The following KCNC2 variants were observed in gnomAD, a reference collection of about 807,000 sequenced individuals.
The protein encoded by KCNC2 is potassium voltage-gated channel subfamily C member 2.
In KCNC2, 21 loss-of-function variants were observed where a neutral mutation model predicts 44.5. The observed-to-expected ratio is 0.47, with a 90% CI of 0.33 to 0.68. The LOEUF is 0.68. Among genes scored for constraint, KCNC2 ranks in the 30% least tolerant of loss-of-function variants. The probability of loss-of-function intolerance (pLI) is 0.01; values close to 1 mark genes in which losing one functional copy is unlikely to be tolerated. For missense variants in KCNC2, 589 were observed against 826.2 expected (o/e 0.71, Z 3.52); for synonymous variants, 391 against 339.1 (o/e 1.15, Z -1.68).
At chr12:75,155,586 A>T (rs1470746528) in intron 2 of KCNC2, among the ~76,000 whole-genome samples, 1 of 151,794 alleles carries the variant, frequency 6.6e-6, no homozygotes, top group Non-Finnish European at 1.5e-5. Flanking sequence ...ATATTAGTAA[A>T]AATTAATATC....
chr12:75,181,907 A>C (rs1892597362), intron 2 of KCNC2, among the ~76,000 whole-genome samples: 2 of 110,824 alleles, frequency 1.8e-5, no homozygotes, highest in Non-Finnish European at 3.8e-5. Context: ...TATTACTATT[A>C]ATATCTTCCT....
intron 2 of KCNC2, among the ~76,000 whole-genome samples, chr12:75,164,023 T>A (rs1444953115): frequency 6.6e-6 from 1 of 151,656 alleles, no homozygotes; most frequent in Non-Finnish European, 1.5e-5. Flanking sequence ...AGAACCAGAA[T>A]GGTTCCTGGA....
intron 2 of KCNC2, among the ~76,000 whole-genome samples, chr12:75,103,581 G>C (rs894882682): frequency 1.3e-5 from 2 of 152,102 alleles, no homozygotes; most frequent in Middle Eastern, 3.2e-3. Flanking sequence ...GTAACTTAAA[G>C]CCAGCAAGTA....
At position 75,042,272 on chromosome 12, in the gene KCNC2, G is replaced by A. The variant is rs1879994636; in HGVS notation, c.*833C>T. The A allele has an allele frequency of 6.2e-7, 1 of 1,608,120 alleles. No individual in the cohort carries two copies. Among genetic ancestry groups the A allele is most frequent in the Non-Finnish European group, 8.5e-7 (1 of 1,177,046 alleles). On this transcript the variant is annotated 3_prime_UTR_variant, in exon 5 of 5. Coordinates refer to ENST00000549446, the MANE Select transcript of KCNC2 (RefSeq NM_139137.4). Reference sequence around the variant, plus strand: ...TGGCTAAACAATGCAAGCCTGGCTGGCAGTTACCTTTCTCTCATGTTTTGT... The same window carrying A: ...TGGCTAAACAATGCAAGCCTGGCTGACAGTTACCTTTCTCTCATGTTTTGT...
intron 2 of KCNC2, among the ~76,000 whole-genome samples, chr12:75,122,357 AG>A (rs1250610347): frequency 8.5e-5 from 13 of 152,218 alleles, no homozygotes; most frequent in Non-Finnish European, 1.8e-4. Flanking sequence ...ACTATTTATA[AG>A]GTAGAAAGAG....
At chr12:75,194,096 GT>G (rs2030548016) in intron 2 of KCNC2, among the ~76,000 whole-genome samples, 1 of 152,102 alleles carries the variant, frequency 6.6e-6, no homozygotes, top group Admixed American at 6.5e-5. Context: ...CAAATGTGTT[GT>G]CAAAATGGAA....
chr12:75,150,575 CT>C (rs1890319162), intron 2 of KCNC2, among the ~76,000 whole-genome samples: 1 of 151,906 alleles, frequency 6.6e-6, no homozygotes, highest in Admixed American at 6.6e-5. Context: ...TCAATACTTC[CT>C]TGGCATTATA....
rs544334026 is a variant in KCNC2, at chr12:75,056,190, T to C, written c.688-4873A>G. ...TTAGTAAAAGAATAAATTATAAAAT[T>C]CTGTTGATTTGGTATGCAAAAATTC... On this transcript the variant is annotated intron_variant, in intron 2 of 4. Coordinates refer to ENST00000549446, the MANE Select transcript of KCNC2 (RefSeq NM_139137.4). Among the ~76,000 whole-genome samples, 13 of 152,136 alleles carry C rather than the reference T, an allele frequency of 8.5e-5. No homozygotes were observed. The East Asian group carries it at 2.5e-3, about 29-fold the overall frequency.
At chr12:75,165,871 C>T (rs1448644035) in intron 2 of KCNC2, among the ~76,000 whole-genome samples, 2 of 151,298 alleles carry the variant, frequency 1.3e-5, no homozygotes, top group East Asian at 1.9e-4. Flanking sequence ...CTAGCCATTG[C>T]TTATTTGGGA....
At chr12:75,102,628 A>G (rs1886458827) in intron 2 of KCNC2, among the ~76,000 whole-genome samples, 1 of 152,104 alleles carries the variant, frequency 6.6e-6, no homozygotes, top group Admixed American at 6.6e-5. Context: ...TATCTATGTA[A>G]ACACACACAT....
chr12:75,125,906 AG>A (rs1367066396), intron 2 of KCNC2, among the ~76,000 whole-genome samples: 1 of 152,240 alleles, frequency 6.6e-6, no homozygotes, highest in Non-Finnish European at 1.5e-5. Context: ...TGGGGAATCA[AG>A]TGGTCAAATA....
chr12:75,130,479 G>A (rs1057301172), intron 2 of KCNC2, among the ~76,000 whole-genome samples: 1 of 152,012 alleles, frequency 6.6e-6, no homozygotes, highest in Admixed American at 6.6e-5. Context: ...ATGAATGAAT[G>A]GTGTAACTAA....
chr12:75,178,040 T>C lies in KCNC2; in HGVS notation c.687+29257A>G, dbSNP rs560867290. ...CAGGCCTACCATTGATGCCTCTCTC[T>C]TTTTGAATATGGAATGGCCAGTGAG... is the stretch of plus-strand genomic sequence containing the variant. On this transcript the variant is annotated intron_variant, in intron 2 of 4. Coordinates refer to ENST00000549446, the MANE Select transcript of KCNC2 (RefSeq NM_139137.4). Among the ~76,000 whole-genome samples, 6 of 152,160 alleles carry C rather than the reference T, an allele frequency of 3.9e-5. No individual in the cohort carries two copies. In the South Asian group the frequency reaches 1.2e-3, roughly 31 times the overall value.
chr12:75,123,790 A>G (rs564875372), intron 2 of KCNC2, among the ~76,000 whole-genome samples: 43 of 152,288 alleles, frequency 2.8e-4, no homozygotes, highest in Non-Finnish European at 5.4e-4. Context: ...ATTACACAGA[A>G]TCAAAGAAAA....
At chr12:75,097,982 C>T (rs1886074823) in intron 2 of KCNC2, among the ~76,000 whole-genome samples, 1 of 151,912 alleles carries the variant, frequency 6.6e-6, no homozygotes, top group Non-Finnish European at 1.5e-5. Flanking sequence ...AAATTCACTC[C>T]CTTCTCTCTA....
chr12:75,189,295 T>G (rs1345416214), intron 2 of KCNC2, among the ~76,000 whole-genome samples: 1 of 152,184 alleles, frequency 6.6e-6, no homozygotes, highest in East Asian at 1.9e-4. Flanking sequence ...ACCACCATGG[T>G]CACGTTCTCT....
At chr12:75,074,983 G>A (rs983939490) in intron 2 of KCNC2, among the ~76,000 whole-genome samples, 2 of 152,132 alleles carry the variant, frequency 1.3e-5, no homozygotes, top group Non-Finnish European at 2.9e-5. Context: ...TAAAGAAAGT[G>A]GAAAAGGGAC....
intron 2 of KCNC2, among the ~76,000 whole-genome samples, chr12:75,182,531 A>ACAAAAC (rs1565671881): frequency 4.4e-5 from 6 of 136,966 alleles, no homozygotes; most frequent in African/African-American, 1.5e-4. Flanking sequence ...AAAAAAAAAA[A>ACAAAAC]AAAAAACAAA....
chr12:75,062,626 C>T (rs1051357986), intron 2 of KCNC2, among the ~76,000 whole-genome samples: 1 of 152,002 alleles, frequency 6.6e-6, no homozygotes, highest in Non-Finnish European at 1.5e-5. Flanking sequence ...CAAATATGAA[C>T]TGAGTGCTTC....
Sources: gnomAD v4.1 joint callset for allele counts (sites outside exome capture counted in the v4.1 genomes callset) on GRCh38, gnomAD v4.1.1 for gene constraint, MANE v1.5 for transcripts, NCBI Gene and HGNC (gene_info 2026-07-23, HGNC 2026-07-21) for gene names.